Variants in PBX4 observed in about 807,000 individuals in gnomAD.
PBX4 encodes PBX homeobox 4.
In PBX4, 26 loss-of-function variants were observed where a neutral mutation model predicts 35.1. The observed-to-expected ratio is 0.74, with a 90% CI of 0.54 to 1.03. The LOEUF (loss-of-function observed/expected upper bound fraction) is 1.03, where lower values mean the gene tolerates loss of function less well. Ranked by LOEUF, PBX4 falls within the 50% of genes least tolerant of loss-of-function variation. The probability of loss-of-function intolerance (pLI) is 0.00; values close to 1 mark genes in which losing one functional copy is unlikely to be tolerated. For synonymous variants in PBX4, 199 were observed against 204.2 expected, an observed-to-expected ratio of 0.97 and a Z score of 0.22; for missense variants, 448 against 504.3, an observed-to-expected ratio of 0.89 and a Z score of 1.07.
Position 19,588,635 on chromosome 19 carries a change from G to A in PBX4, c.193+10657C>T, listed in dbSNP as rs141988277. Among the ~76,000 whole-genome samples the A allele has an allele frequency of 8.9e-3, 1,352 of 152,262 alleles. 24 individuals are homozygous for A. Among genetic ancestry groups the A allele is most frequent in the African/African-American group, 0.031 (1,298 of 41,536 alleles). ...ACAACAACAAATGAGAGCCATGGGG[G>A]AAAGGTCTAGAAGCTTCAGGAGCTG... is the stretch of plus-strand genomic sequence containing the variant. On this transcript the variant is annotated intron_variant, in intron 2 of 7. Coordinates refer to ENST00000251203, the MANE Select transcript of PBX4 (RefSeq NM_025245.3).
At chr19:19,611,020 T>C (rs1358511470) in intron 1 of PBX4, among the ~76,000 whole-genome samples, 2 of 152,154 alleles carry the variant, frequency 1.3e-5, no homozygotes, top group Non-Finnish European at 2.9e-5. Context: ...ACATCATAAA[T>C]TCCCCCTAGA....
intron 1 of PBX4, among the ~76,000 whole-genome samples, chr19:19,612,806 T>G (rs1401643170): frequency 6.6e-6 from 1 of 151,654 alleles, no homozygotes; most frequent in Non-Finnish European, 1.5e-5. Context: ...TTATCAAGCA[T>G]GAATAACGCC....
At chr19:19,581,122 G>A (rs1170968753) in intron 2 of PBX4, among the ~76,000 whole-genome samples, 2 of 152,238 alleles carry the variant, frequency 1.3e-5, no homozygotes, top group Non-Finnish European at 2.9e-5. Context: ...AGCGAGGCCA[G>A]CACAGACACC....
At chr19:19,599,267 A>G (rs777095926) in intron 2 of PBX4, 25 bp downstream of exon 2, 1 of 1,592,282 alleles carries the variant, frequency 6.3e-7, no homozygotes, top group Non-Finnish European at 8.6e-7. Flanking sequence ...ACGCTCGGCC[A>G]GAAAGTGTCT....
At chr19:19,616,969 A>G (rs1051212828) in intron 1 of PBX4, among the ~76,000 whole-genome samples, 1 of 152,150 alleles carries the variant, frequency 6.6e-6, no homozygotes, top group Non-Finnish European at 1.5e-5. Context: ...GGCGTGAGCC[A>G]CCGCACCTGG....
chr19:19,589,682 C>T lies in PBX4; in HGVS notation c.193+9610G>A, dbSNP rs1252911852. 2.6e-5 allele frequency among the ~76,000 whole-genome samples: 4 copies of T among 151,296 alleles called. 1 individual carries two copies. Among genetic ancestry groups the T allele is most frequent in the Non-Finnish European group, 5.9e-5 (4 of 67,800 alleles). Reference sequence around the variant, plus strand: ...CTACTTGGGAGGCTGAGGCAGGAGACCCGCTTGAACCCGGGAAGTGGAGGT... The same window carrying T: ...CTACTTGGGAGGCTGAGGCAGGAGATCCGCTTGAACCCGGGAAGTGGAGGT... On this transcript the variant is annotated intron_variant, in intron 2 of 7. Coordinates refer to ENST00000251203, the MANE Select transcript of PBX4 (RefSeq NM_025245.3).
At chr19:19,582,761 G>C (rs2061463566) in intron 2 of PBX4, among the ~76,000 whole-genome samples, 1 of 152,234 alleles carries the variant, frequency 6.6e-6, no homozygotes, top group South Asian at 2.1e-4. Flanking sequence ...AGCTGAAAGA[G>C]CACACTGTAA....
chr19:19,567,868 A>G (rs1440972433), intron 5 of PBX4, among the ~76,000 whole-genome samples: 1 of 151,164 alleles, frequency 6.6e-6, no homozygotes, highest in African/African-American at 2.4e-5. Flanking sequence ...CACCTCAGGG[A>G]GCTCACACTC....
chr19:19,578,490 T>A (rs1006649291), intron 2 of PBX4, among the ~76,000 whole-genome samples: 8 of 151,996 alleles, frequency 5.3e-5, no homozygotes, highest in Non-Finnish European at 1.0e-4. Context: ...GCTCCTCAGC[T>A]CCCCCAGGGC....
intron 5 of PBX4, among the ~76,000 whole-genome samples, chr19:19,567,108 G>A (rs546188587): frequency 2.0e-5 from 3 of 152,266 alleles, no homozygotes; most frequent in African/African-American, 7.2e-5. Context: ...TGCCTACCCC[G>A]GGGGTGTGAG....
chr19:19,590,710 C>A (rs2061523116), intron 2 of PBX4, among the ~76,000 whole-genome samples: 4 of 152,094 alleles, frequency 2.6e-5, no homozygotes, highest in South Asian at 2.1e-4. Flanking sequence ...CTCAAATGAT[C>A]CCCCCACCTT....
At chr19:19,567,201 C>A (rs559760606) in intron 5 of PBX4, among the ~76,000 whole-genome samples, 1 of 152,096 alleles carries the variant, frequency 6.6e-6, no homozygotes, top group Admixed American at 6.5e-5. Context: ...GACAATTGTT[C>A]CTTGGGGGCC....
chr19:19,567,084 C>T, intron 5 of PBX4, among the ~76,000 whole-genome samples: 1 of 152,188 alleles, frequency 6.6e-6, no homozygotes, highest in East Asian at 1.9e-4. Flanking sequence ...GCTCTCTGTT[C>T]CAAACATAGT....
chr19:19,595,178 T>C (rs1231698570), intron 2 of PBX4, among the ~76,000 whole-genome samples: 2 of 152,218 alleles, frequency 1.3e-5, no homozygotes, highest in East Asian at 1.9e-4. Flanking sequence ...CCTGTGCCTA[T>C]TGGTACACAT....
At chr19:19,588,831 T>C (rs1192147520) in intron 2 of PBX4, among the ~76,000 whole-genome samples, 1 of 152,186 alleles carries the variant, frequency 6.6e-6, no homozygotes, top group Non-Finnish European at 1.5e-5. Context: ...CCCAAGGAAC[T>C]GATCTATCAA....
At chr19:19,571,288 G>A (rs1264936140) in intron 2 of PBX4, among the ~76,000 whole-genome samples, 2 of 152,206 alleles carry the variant, frequency 1.3e-5, no homozygotes, top group Middle Eastern at 3.2e-3. Flanking sequence ...GCAGCTGTAG[G>A]CCTGTTGTGG....
chr19:19,588,438 CCA>C (rs1476865433), intron 2 of PBX4: 1 of 1,078,924 alleles, frequency 9.3e-7, no homozygotes, highest in East Asian at 2.6e-5. Context: ...AAGCTGGCCA[CCA>C]CACAATTTTT....
At chr19:19,600,454 T>A (rs2061590146) in intron 1 of PBX4, among the ~76,000 whole-genome samples, 1 of 150,290 alleles carries the variant, frequency 6.7e-6, no homozygotes, top group Non-Finnish European at 1.5e-5. Context: ...AGACCATGAG[T>A]TAGAGGCTGT....
At chr19:19,590,356 GCAT>G (rs1373914773) in intron 2 of PBX4, among the ~76,000 whole-genome samples, 1 of 151,972 alleles carries the variant, frequency 6.6e-6, no homozygotes, top group Non-Finnish European at 1.5e-5. Flanking sequence ...CTCCTACCCA[GCAT>G]CATGTTTTCA....
Sources: allele counts gnomAD v4.1 joint callset (sites outside exome capture counted in the v4.1 genomes callset), GRCh38; gene constraint gnomAD v4.1.1; transcripts MANE v1.5; gene names NCBI Gene and HGNC (gene_info 2026-07-23, HGNC 2026-07-21).